Variants in CNTN5 observed in about 807,000 individuals in gnomAD.
CNTN5 encodes contactin-5.
CNTN5 carries 77 observed loss-of-function variants against 129.1 expected under a neutral mutation model. That is an observed-to-expected ratio of 0.60 (90% CI 0.50 to 0.72). The LOEUF (loss-of-function observed/expected upper bound fraction) is 0.72. CNTN5 is among the 30% of genes least tolerant of loss of function. CNTN5 has a pLI of 0.00. For missense variants in CNTN5, 1,478 were observed against 1,328.8 expected, an observed-to-expected ratio of 1.11 and a Z score of -1.75; for synonymous variants, 509 against 465.6, an observed-to-expected ratio of 1.09 and a Z score of -1.20.
chr11:99,661,733 T>G (rs915882504), intron 3 of CNTN5, among the ~76,000 whole-genome samples: 1 of 152,066 alleles, frequency 6.6e-6, no homozygotes, highest in African/African-American at 2.4e-5. Context: ...CTAATATAAA[T>G]GTATCAAAGA....
intron 13 of CNTN5, among the ~76,000 whole-genome samples, chr11:100,126,773 G>A (rs936006939): frequency 3.3e-5 from 5 of 152,112 alleles, no homozygotes; most frequent in South Asian, 4.2e-4. Flanking sequence ...TGTTTAGATC[G>A]TTTACCTTCA....
chr11:100,052,881 C>T (rs1398309232), intron 9 of CNTN5, among the ~76,000 whole-genome samples: 1 of 151,630 alleles, frequency 6.6e-6, no homozygotes, highest in Non-Finnish European at 1.5e-5. Flanking sequence ...TAGATTAATG[C>T]AACAGAAGAA....
intron 6 of CNTN5, among the ~76,000 whole-genome samples, chr11:99,851,075 G>A (rs1003454320): frequency 2.6e-5 from 4 of 151,956 alleles, no homozygotes; most frequent in African/African-American, 9.7e-5. Flanking sequence ...CTCTGTAGTG[G>A]TTCATCCACC....
At chr11:99,876,658 A>C (rs888910354) in intron 6 of CNTN5, among the ~76,000 whole-genome samples, 13 of 152,212 alleles carry the variant, frequency 8.5e-5, no homozygotes, top group Admixed American at 5.9e-4. Context: ...CATGAATAAC[A>C]TAGTATAAAA....
At chr11:99,819,893 T>C (rs1946742409) in intron 4 of CNTN5, 128 bp downstream of exon 4, 1 of 679,804 alleles carries the variant, frequency 1.5e-6, no homozygotes, top group Admixed American at 2.7e-5. Context: ...CTGCTAAAAA[T>C]GAAAGCAGGA....
At chr11:99,576,938 G>A (rs1949374575) in intron 3 of CNTN5, among the ~76,000 whole-genome samples, 1 of 152,044 alleles carries the variant, frequency 6.6e-6, no homozygotes, top group Non-Finnish European at 1.5e-5. Context: ...CATTTTGGAG[G>A]GACACAAACA....
At chr11:100,060,199 C>A (rs1292422831) in intron 9 of CNTN5, among the ~76,000 whole-genome samples, 1 of 147,688 alleles carries the variant, frequency 6.8e-6, no homozygotes, top group Non-Finnish European at 1.5e-5. Context: ...GAGCAAGACT[C>A]TGTCCCAAAA....
At chr11:100,068,422 G>C (rs1281344785) in intron 10 of CNTN5, among the ~76,000 whole-genome samples, 2 of 152,084 alleles carry the variant, frequency 1.3e-5, no homozygotes, top group East Asian at 1.9e-4. Flanking sequence ...AAAAGAGACA[G>C]AATAGAAGTA....
intron 1 of CNTN5, among the ~76,000 whole-genome samples, chr11:99,303,415 C>T (rs1264378169): frequency 6.6e-6 from 1 of 151,352 alleles, no homozygotes. Flanking sequence ...ATTAGTATTA[C>T]AGATTTGAGA....
intron 3 of CNTN5, among the ~76,000 whole-genome samples, chr11:99,772,690 C>T (rs1944986547): frequency 6.6e-6 from 1 of 152,030 alleles, no homozygotes; most frequent in Non-Finnish European, 1.5e-5. Context: ...TGTCATAATA[C>T]ATTTTAAATA....
chr11:99,203,595 G>T (rs767135356), intron 1 of CNTN5, among the ~76,000 whole-genome samples: 5 of 151,104 alleles, frequency 3.3e-5, no homozygotes, highest in Admixed American at 6.6e-5. Flanking sequence ...TTTTTTGGGT[G>T]GGGGGTGGTG....
chr11:99,746,246 T>A (rs190107004), intron 3 of CNTN5, among the ~76,000 whole-genome samples: 15 of 152,338 alleles, frequency 9.8e-5, no homozygotes, highest in African/African-American at 3.6e-4. Context: ...TTGATTTGAT[T>A]TTTGTATATA....
chr11:99,485,973 A>G (rs1203748374), intron 2 of CNTN5, among the ~76,000 whole-genome samples: 3 of 152,046 alleles, frequency 2.0e-5, no homozygotes, highest in Non-Finnish European at 4.4e-5. Flanking sequence ...TTTCTATACA[A>G]TACGCTTACA....
intron 9 of CNTN5, among the ~76,000 whole-genome samples, chr11:100,028,390 A>G (rs916607270): frequency 1.3e-5 from 2 of 152,242 alleles, no homozygotes; most frequent in African/African-American, 4.8e-5. Context: ...TTTCAAAATT[A>G]GGAAAGTAGG....
chr11:100,089,201 T>G (rs540341961), intron 13 of CNTN5, among the ~76,000 whole-genome samples: 2 of 152,184 alleles, frequency 1.3e-5, no homozygotes, highest in Admixed American at 1.3e-4. Flanking sequence ...TCTTGTAAAT[T>G]TATTTAAACT....
chr11:99,408,309 T>A (rs1487938524), intron 2 of CNTN5, among the ~76,000 whole-genome samples: 1 of 148,050 alleles, frequency 6.8e-6, no homozygotes, highest in Non-Finnish European at 1.5e-5. Flanking sequence ...GCCTGGAACT[T>A]CCACCTCAGC....
chr11:99,785,067 C>T (rs1011676341), intron 3 of CNTN5, among the ~76,000 whole-genome samples: 45 of 152,040 alleles, frequency 3.0e-4, no homozygotes, highest in Non-Finnish European at 5.4e-4. Flanking sequence ...CCTCCACCTG[C>T]CTATGCCTCC....
intron 2 of CNTN5, among the ~76,000 whole-genome samples, chr11:99,447,414 A>G (rs1944114492): frequency 6.6e-6 from 1 of 152,168 alleles, no homozygotes; most frequent in Non-Finnish European, 1.5e-5. Flanking sequence ...CTCTTCTATC[A>G]TTGTGAGCAT....
chr11:100,269,920 T>G (rs947229705), intron 17 of CNTN5, among the ~76,000 whole-genome samples: 1 of 152,082 alleles, frequency 6.6e-6, no homozygotes, highest in Non-Finnish European at 1.5e-5. Context: ...GGGAATGCCT[T>G]CTTCTCTTTT....
Sources: gnomAD v4.1 joint callset for allele counts (sites outside exome capture counted in the v4.1 genomes callset) on GRCh38, gnomAD v4.1.1 for gene constraint, MANE v1.5 for transcripts, NCBI Gene and HGNC (gene_info 2026-07-23, HGNC 2026-07-21) for gene names.